Variants in TBC1D30 observed in about 807,000 individuals in gnomAD.
TBC1D30 encodes TBC1 domain family, member 30.
Under a neutral mutation model 63.2 loss-of-function variants are expected in TBC1D30, and 31 were observed. The observed-to-expected ratio is 0.49, with a 90% CI of 0.37 to 0.66. TBC1D30 has a LOEUF of 0.66. Among genes scored for constraint, TBC1D30 ranks in the 30% least tolerant of loss-of-function variants. TBC1D30 has a pLI of 0.00. For synonymous variants in TBC1D30, 307 were observed against 361.5 expected (o/e 0.85, Z 1.71); for missense variants, 810 against 953.6 (o/e 0.85, Z 1.98).
At chr12:64,782,187 G>A (rs1331771384) in intron 1 of TBC1D30, among the ~76,000 whole-genome samples, 2 of 151,688 alleles carry the variant, frequency 1.3e-5, no homozygotes, top group African/African-American at 4.8e-5. Flanking sequence ...ATGAGGTGAC[G>A]TATGGAAAAC....
At chr12:64,823,369 T>G (rs1490060671), upstream of TBC1D30, among the ~76,000 whole-genome samples, 1 of 152,232 alleles carries the variant, frequency 6.6e-6, no homozygotes, top group Non-Finnish European at 1.5e-5. Flanking sequence ...AGAATTATTT[T>G]TTTCTGTGTT....
At chr12:64,790,212 C>T (rs916381983) in intron 2 of TBC1D30, among the ~76,000 whole-genome samples, 4 of 152,134 alleles carry the variant, frequency 2.6e-5, no homozygotes, top group Admixed American at 2.6e-4. Flanking sequence ...GTGGCTTCAG[C>T]ATAGTTTGCA....
chr12:64,768,709 G>T (rs559022238), intron 1 of TBC1D30: 1 of 152,314 alleles, frequency 6.6e-6, no homozygotes, highest in East Asian at 1.9e-4. Flanking sequence ...TGAAAGCAAT[G>T]TCAGTGACTC....
chr12:64,862,411 C>A (rs1431744918), intron 8 of TBC1D30, among the ~76,000 whole-genome samples: 1 of 152,182 alleles, frequency 6.6e-6, no homozygotes, highest in Non-Finnish European at 1.5e-5. Flanking sequence ...GAAAGGAAGA[C>A]ATGAAGTAGA....
intron 1 of TBC1D30, chr12:64,785,839 C>G: frequency 7.9e-7 from 1 of 1,263,010 alleles, no homozygotes; most frequent in Non-Finnish European, 1.0e-6. Context: ...TTGTATTCCT[C>G]TCAAGGTATT....
Position 64,832,316 on chromosome 12 carries a change from G to A in TBC1D30, c.594+12G>A. The A allele has an allele frequency of 6.5e-7, 1 of 1,533,716 alleles. No homozygotes were observed. The highest frequency in any genetic ancestry group is 8.7e-7 in the Non-Finnish European group (1 of 1,145,056). On this transcript the variant is annotated intron_variant, in intron 5 of 11. Transcript: ENST00000539867. ...GGGATGCCCTGAAAGTGAGTAGCAGGCTCTGACAAAGGCCATGGACATTCT... is the reference window on the plus strand; with the variant it reads ...GGGATGCCCTGAAAGTGAGTAGCAGACTCTGACAAAGGCCATGGACATTCT...
intron 2 of TBC1D30, among the ~76,000 whole-genome samples, chr12:64,809,448 G>C (rs983558401): frequency 2.6e-5 from 4 of 152,188 alleles, no homozygotes; most frequent in Non-Finnish European, 5.9e-5. Flanking sequence ...TTATGGCTGA[G>C]TAATATTCCA....
chr12:64,854,295 A>T (rs1329204708), intron 8 of TBC1D30, among the ~76,000 whole-genome samples: 2 of 152,032 alleles, frequency 1.3e-5, no homozygotes, highest in Non-Finnish European at 2.9e-5. Context: ...ATACTATCTT[A>T]AACCTATTAT....
In TBC1D30 at chr12:64,843,515, C is replaced by T. The variant is rs137868059; in HGVS notation, c.1038+30C>T. 26 of 1,505,424 alleles carry T rather than the reference C, an allele frequency of 1.7e-5. No homozygotes were observed. In the East Asian group the frequency reaches 3.9e-4, roughly 23 times the overall value. The allele number at this position is 1,505,424 out of a possible 1,614,324, so 93.3% of individuals were successfully genotyped here. ...GTCGGCAACATGGAGCAGCTTGGCT[C>T]GGGGAACCCCGGGCACGGTGGGAAC... On this transcript the variant is annotated intron_variant, in intron 8 of 11. Coordinates refer to ENST00000539867, the MANE Select transcript of TBC1D30 (RefSeq NM_015279.2).
chr12:64,878,574 T>C lies in TBC1D30; in HGVS notation c.*2786T>C, dbSNP rs1340445340. 1.5e-5 allele frequency: 7 copies of C among 456,570 alleles called. No homozygotes were observed. Among genetic ancestry groups the C allele is most frequent in the Non-Finnish European group, 3.1e-5 (7 of 226,958 alleles). 28.3% of individuals were successfully genotyped at this position (456,570 alleles called of 1,614,324 possible). The stretch of plus-strand genomic sequence containing the variant: ...ATTGTATTCCTTTGTTTGTCTCTTG[T>C]TGTTCTGAAGGATTGTATTGATCAC... On this transcript the variant is annotated 3_prime_UTR_variant, in exon 12 of 12. Coordinates refer to ENST00000539867, the MANE Select transcript of TBC1D30 (RefSeq NM_015279.2).
At chr12:64,760,839 A>T (rs1338151715) in intron 1 of TBC1D30, among the ~76,000 whole-genome samples, 1 of 151,932 alleles carries the variant, frequency 6.6e-6, no homozygotes, top group African/African-American at 2.4e-5. Flanking sequence ...CAAAAAAAAA[A>T]AAATTACCTT....
chr12:64,854,455 A>T, intron 8 of TBC1D30, among the ~76,000 whole-genome samples: 1 of 146,778 alleles, frequency 6.8e-6, no homozygotes, highest in South Asian at 2.2e-4. Flanking sequence ...AAGTTGTTCT[A>T]GTTATTATTT....
At chr12:64,863,005 T>C (rs1306633934) in intron 8 of TBC1D30, among the ~76,000 whole-genome samples, 3 of 152,118 alleles carry the variant, frequency 2.0e-5, no homozygotes, top group African/African-American at 7.2e-5. Context: ...AGCTAAGACA[T>C]GATAGTAAGA....
intron 2 of TBC1D30, among the ~76,000 whole-genome samples, chr12:64,793,149 T>C (rs1872033621): frequency 6.6e-6 from 1 of 151,914 alleles, no homozygotes; most frequent in South Asian, 2.1e-4. Flanking sequence ...GAGACCAGCC[T>C]AGGCAACATA....
intron 2 of TBC1D30, chr12:64,818,871 T>C (rs566029950): frequency 3.9e-5 from 6 of 152,338 alleles, no homozygotes; most frequent in African/African-American, 1.4e-4. Context: ...AAAAGAAATA[T>C]AAAGGTGTCT....
intron 1 of TBC1D30, among the ~76,000 whole-genome samples, chr12:64,770,183 GC>G (rs1870854614): frequency 6.6e-6 from 1 of 152,050 alleles, no homozygotes; most frequent in Non-Finnish European, 1.5e-5. Context: ...TATTTGATTT[GC>G]CATGTTGCAG....
chr12:64,770,490 T>C (rs1411282158), intron 1 of TBC1D30, among the ~76,000 whole-genome samples: 1 of 152,184 alleles, frequency 6.6e-6, no homozygotes, highest in Non-Finnish European at 1.5e-5. Context: ...CCACTGCTGC[T>C]GCTTCTCAGC....
intron 1 of TBC1D30, chr12:64,768,218 TA>T (rs1437292762): frequency 6.6e-6 from 1 of 152,144 alleles, no homozygotes; most frequent in Non-Finnish European, 1.5e-5. Context: ...CAAAATATAA[TA>T]GGGGTTATAA....
At chr12:64,848,589 G>T (rs1328842752) in intron 8 of TBC1D30, among the ~76,000 whole-genome samples, 1 of 152,086 alleles carries the variant, frequency 6.6e-6, no homozygotes, top group Non-Finnish European at 1.5e-5. Context: ...CCATGTCCCT[G>T]CAAAGGACAT....
Sources: gnomAD v4.1 joint callset for allele counts (sites outside exome capture counted in the v4.1 genomes callset) on GRCh38, gnomAD v4.1.1 for gene constraint, MANE v1.5 for transcripts, NCBI Gene and HGNC (gene_info 2026-07-23, HGNC 2026-07-21) for gene names.